PRORP: variants seen among roughly 807,000 people sequenced by gnomAD.
PRORP encodes the protein mitochondrial ribonuclease P catalytic subunit.
Under a neutral mutation model 59.4 loss-of-function variants are expected in PRORP, and 51 were observed. The ratio of observed to expected loss-of-function variants is 0.86; its 90% CI spans 0.69 to 1.08. The LOEUF is 1.08. Ranked by LOEUF, PRORP falls within the 50% of genes least tolerant of loss-of-function variation. PRORP has a pLI of 0.00. For synonymous variants in PRORP, 231 were observed against 245.6 expected, an observed-to-expected ratio of 0.94 and a Z score of 0.55; for missense variants, 646 against 690.3, an observed-to-expected ratio of 0.94 and a Z score of 0.72.
At chr14:35,214,380 T>C (rs2049531983) in intron 5 of PRORP, among the ~76,000 whole-genome samples, 1 of 152,190 alleles carries the variant, frequency 6.6e-6, no homozygotes, top group African/African-American at 2.4e-5. Flanking sequence ...CAAACAAATA[T>C]TGAGTGTATT....
At chr14:35,216,662 A>T (rs574523327) in intron 5 of PRORP, among the ~76,000 whole-genome samples, 1 of 152,328 alleles carries the variant, frequency 6.6e-6, no homozygotes, top group Admixed American at 6.5e-5. Flanking sequence ...GTATATATGT[A>T]GGAGTAGAAT....
Position 35,261,594 on chromosome 14 carries a change from T to G in PRORP, c.1276-5133T>G, listed in dbSNP as rs568281849. 7.2e-5 allele frequency among the ~76,000 whole-genome samples: 11 copies of G among 152,192 alleles called. No individual in the cohort carries two copies. The East Asian group carries it at 2.1e-3, about 29-fold the overall frequency. ...AAATACAAAAATTAGCTGGGCGTTGTGGCGGGTGCCTGTAATCACAGCTAC... is the reference window on the plus strand; with the variant it reads ...AAATACAAAAATTAGCTGGGCGTTGGGGCGGGTGCCTGTAATCACAGCTAC... On this transcript the variant is annotated intron_variant, in intron 5 of 7. Coordinates refer to ENST00000534898, the MANE Select transcript of PRORP (RefSeq NM_014672.4).
At chr14:35,154,473 C>A (rs2047860853) in intron 4 of PRORP, among the ~76,000 whole-genome samples, 1 of 152,134 alleles carries the variant, frequency 6.6e-6, no homozygotes, top group South Asian at 2.1e-4. Context: ...CGTGGTTCTT[C>A]AAGATTTTAA....
intron 5 of PRORP, among the ~76,000 whole-genome samples, chr14:35,244,603 C>T (rs1249642774): frequency 6.6e-6 from 1 of 151,994 alleles, no homozygotes; most frequent in Non-Finnish European, 1.5e-5. Flanking sequence ...GGCAATTTTA[C>T]GTGGTTCTCT....
chr14:35,180,854 C>G (rs950387509), intron 5 of PRORP, 77 bp downstream of exon 5: 2 of 906,632 alleles, frequency 2.2e-6, no homozygotes, highest in East Asian at 2.6e-5. Flanking sequence ...TCTTGGGGCT[C>G]TTAGCTCCTC....
Position 35,142,525 on chromosome 14 carries a change from T to TA in PRORP, c.1167+14927dup, listed in dbSNP as rs71435859. On this transcript the variant is annotated intron_variant, in intron 4 of 7. Coordinates refer to ENST00000534898, the MANE Select transcript of PRORP (RefSeq NM_014672.4). The stretch of plus-strand genomic sequence containing the variant: ...CACCCTGCCCTGCTAATTTTTAAAT[T>TA]AAAAAAAAAAAAATTTTAGATAGGG... Among the ~76,000 whole-genome samples the TA allele has an allele frequency of 4.7e-4, 63 of 133,360 alleles. 3 individuals are homozygous for TA. The highest frequency in any genetic ancestry group is 1.4e-3 in the African/African-American group (55 of 38,966). 87.5% of individuals were successfully genotyped at this position (133,360 alleles called of 152,430 possible).
At chr14:35,201,047 A>G (rs2049135188) in intron 5 of PRORP, among the ~76,000 whole-genome samples, 1 of 152,216 alleles carries the variant, frequency 6.6e-6, no homozygotes. Context: ...AATATTTTGT[A>G]GAATGTCCCT....
At position 35,143,173 on chromosome 14, in the gene PRORP, G is replaced by A. The variant is rs1173219097; in HGVS notation, c.1167+15562G>A. 1.4e-5 allele frequency among the ~76,000 whole-genome samples: 2 copies of A among 145,556 alleles called. 1 individual carries two copies. The highest frequency in any genetic ancestry group is 4.6e-4 in the East Asian group (2 of 4,332). On this transcript the variant is annotated intron_variant, in intron 4 of 7. Coordinates refer to ENST00000534898, the MANE Select transcript of PRORP (RefSeq NM_014672.4). ...TTTTGTTTTTTGTTTTGTTTTAAGC[G>A]AGACAGTCTCTCTCTGTTGCTCAGG...
chr14:35,229,122 C>T (rs2050009507), intron 5 of PRORP, among the ~76,000 whole-genome samples: 1 of 152,046 alleles, frequency 6.6e-6, no homozygotes, highest in Non-Finnish European at 1.5e-5. Flanking sequence ...TGTCTTTTGC[C>T]CACTTTGTAA....
chr14:35,223,455 A>C (rs1033284942), intron 5 of PRORP, among the ~76,000 whole-genome samples: 2 of 121,794 alleles, frequency 1.6e-5, no homozygotes, highest in African/African-American at 3.1e-5. Flanking sequence ...TTAGACTTTA[A>C]CTTTTTTTTT....
intron 4 of PRORP, among the ~76,000 whole-genome samples, chr14:35,136,469 G>C (rs552350645): frequency 6.8e-6 from 1 of 146,206 alleles, no homozygotes; most frequent in African/African-American, 2.4e-5. Flanking sequence ...CCGCCTCTCG[G>C]GTTTAAGCAA....
chr14:35,256,326 CTTTTTT>C (rs1178856754), intron 5 of PRORP, among the ~76,000 whole-genome samples: 7 of 82,814 alleles, frequency 8.5e-5, no homozygotes, highest in African/African-American at 3.8e-4. Context: ...TTGTGCGTAT[CTTTTTT>C]TTTTTTTTTT....
chr14:35,126,636 C>A, intron 2 of PRORP, 99 bp from the exon 3 acceptor site: 1 of 877,050 alleles, frequency 1.1e-6, no homozygotes, highest in South Asian at 1.6e-5. Context: ...TTGAACTTTT[C>A]GGACTTCTTG....
At chr14:35,189,386 A>G (rs1443752949) in intron 5 of PRORP, among the ~76,000 whole-genome samples, 1 of 150,256 alleles carries the variant, frequency 6.7e-6, no homozygotes, top group Non-Finnish European at 1.5e-5. Context: ...ATAAAGTAAT[A>G]TATTTCCCTG....
chr14:35,205,212 C>T (rs925793767), intron 5 of PRORP, among the ~76,000 whole-genome samples: 10 of 152,136 alleles, frequency 6.6e-5, no homozygotes, highest in Admixed American at 6.5e-4. Context: ...GATGGAGTCT[C>T]GCTCTGTTGC....
intron 4 of PRORP, among the ~76,000 whole-genome samples, chr14:35,163,462 C>T (rs2048111654): frequency 6.6e-6 from 1 of 152,074 alleles, no homozygotes; most frequent in Non-Finnish European, 1.5e-5. Flanking sequence ...GCCATTCTAA[C>T]TGGTTTGAGA....
At chr14:35,135,297 A>G (rs1045918018) in intron 4 of PRORP, among the ~76,000 whole-genome samples, 2 of 152,108 alleles carry the variant, frequency 1.3e-5, no homozygotes, top group Admixed American at 1.3e-4. Flanking sequence ...CTTTTTTTAC[A>G]TGTGTAGATA....
At chr14:35,195,480 A>G (rs1026483314) in intron 5 of PRORP, among the ~76,000 whole-genome samples, 3 of 152,122 alleles carry the variant, frequency 2.0e-5, no homozygotes, top group Admixed American at 6.5e-5. Flanking sequence ...ATATTCAGGG[A>G]AAAAAGCCTG....
intron 5 of PRORP, among the ~76,000 whole-genome samples, chr14:35,215,557 C>G (rs1193524692): frequency 6.6e-6 from 1 of 151,972 alleles, no homozygotes; most frequent in Non-Finnish European, 1.5e-5. Context: ...AATTTGAAAC[C>G]AGCCTAAGCA....
Sources: gnomAD v4.1 joint callset for allele counts (sites outside exome capture counted in the v4.1 genomes callset) on GRCh38, gnomAD v4.1.1 for gene constraint, MANE v1.5 for transcripts, NCBI Gene and HGNC (gene_info 2026-07-23, HGNC 2026-07-21) for gene names.